Variants in SNTB1 observed in about 807,000 individuals in gnomAD.
The protein encoded by SNTB1 is beta-1-syntrophin.
Under a neutral mutation model 48.9 loss-of-function variants are expected in SNTB1, and 36 were observed. That is an observed-to-expected ratio of 0.74 (90% CI 0.56 to 0.97). SNTB1 has a LOEUF of 0.97. Among genes scored for constraint, SNTB1 ranks in the 50% least tolerant of loss-of-function variants. The pLI, the probability that SNTB1 is intolerant of heterozygous loss-of-function variation, is 0.00. For missense variants in SNTB1, 786 were observed against 703.4 expected (o/e 1.12, Z -1.33); for synonymous variants, 299 against 294.6 (o/e 1.01, Z -0.15).
At chr8:120,579,132 G>T (rs746125059) in intron 3 of SNTB1, among the ~76,000 whole-genome samples, 1 of 152,106 alleles carries the variant, frequency 6.6e-6, no homozygotes, top group Non-Finnish European at 1.5e-5. Context: ...AGCCAAGATC[G>T]CGCCATTGCA....
At chr8:120,809,655 G>A (rs1365436076) in intron 1 of SNTB1, among the ~76,000 whole-genome samples, 1 of 144,636 alleles carries the variant, frequency 6.9e-6, no homozygotes, top group Non-Finnish European at 1.5e-5. Context: ...ATTGCAAACC[G>A]AGCAGGTGCC....
intron 2 of SNTB1, among the ~76,000 whole-genome samples, chr8:120,636,489 G>A (rs555607462): frequency 0.014 from 1,808 of 131,388 alleles, 38 homozygotes; most frequent in African/African-American, 0.048. Context: ...GAGAATATGC[G>A]GTGTTTGGTT....
chr8:120,554,550 T>C (rs1383876388), intron 4 of SNTB1, among the ~76,000 whole-genome samples: 5 of 152,186 alleles, frequency 3.3e-5, no homozygotes, highest in Non-Finnish European at 5.9e-5. Context: ...AATTCTTTAA[T>C]GAAACCACCA....
At position 120,540,905 on chromosome 8, in the gene SNTB1, T is replaced by C. The variant is rs138287902; in HGVS notation, c.1524+905A>G. ...TCTGAGAGATAAAAAGTCCCTAGGG[T>C]CTGTTAGGTGTGTTCTGCCCTTTCC... On this transcript the variant is annotated intron_variant, in intron 6 of 6. Coordinates refer to ENST00000517992, the MANE Select transcript of SNTB1 (RefSeq NM_021021.4). Among the ~76,000 whole-genome samples the C allele has an allele frequency of 5.4e-3, 821 of 152,142 alleles. 9 individuals are homozygous for C. Among genetic ancestry groups the C allele is most frequent in the African/African-American group, 0.019 (779 of 41,476 alleles).
At chr8:120,587,207 C>T (rs370793791) in intron 3 of SNTB1, among the ~76,000 whole-genome samples, 3 of 140,590 alleles carry the variant, frequency 2.1e-5, no homozygotes, top group African/African-American at 5.1e-5. Flanking sequence ...GGCAACGGAG[C>T]GAGACTCTGT....
intron 2 of SNTB1, among the ~76,000 whole-genome samples, chr8:120,684,458 A>T (rs1817992998): frequency 6.6e-6 from 1 of 152,148 alleles, no homozygotes; most frequent in Non-Finnish European, 1.5e-5. Context: ...TCTAAATCAC[A>T]TGTAAGTGAG....
chr8:120,811,530 GACTCGGGCACCT>G lies in SNTB1; in HGVS notation c.302_313del (p.Gln101_Ser105delinsPro). 1.5e-5 allele frequency: 24 copies of G among 1,610,954 alleles called. No individual in the cohort carries two copies. The highest frequency in any genetic ancestry group is 2.0e-5 in the Non-Finnish European group (24 of 1,178,664). On this transcript the variant is annotated inframe_deletion, in exon 1 of 7. Coordinates refer to ENST00000517992, the MANE Select transcript of SNTB1 (RefSeq NM_021021.4). The stretch of plus-strand genomic sequence containing the variant: ...CACGCCACGCTTCTGGTTCGAGATG[GACTCGGGCACCT>G]GCTCGGGCAGGTCGGTGAAAGCGGT...
intron 2 of SNTB1, among the ~76,000 whole-genome samples, chr8:120,685,561 G>A (rs1156530947): frequency 2.0e-5 from 3 of 152,126 alleles, no homozygotes; most frequent in Non-Finnish European, 4.4e-5. Context: ...TGTTCCCAAG[G>A]CCCTGGCAGC....
intron 2 of SNTB1, among the ~76,000 whole-genome samples, chr8:120,683,176 C>G (rs1209606526): frequency 1.3e-5 from 2 of 151,986 alleles, no homozygotes; most frequent in African/African-American, 4.8e-5. Flanking sequence ...CCACCGCACC[C>G]GGCCTGTTTT....
intron 1 of SNTB1, among the ~76,000 whole-genome samples, chr8:120,749,955 C>A (rs891462803): frequency 3.9e-5 from 6 of 152,150 alleles, no homozygotes; most frequent in African/African-American, 1.4e-4. Context: ...GCTTTATAAA[C>A]CTCTAGCAAT....
intron 2 of SNTB1, among the ~76,000 whole-genome samples, chr8:120,663,815 CT>C (rs1817630596): frequency 6.6e-6 from 1 of 152,070 alleles, no homozygotes; most frequent in African/African-American, 2.4e-5. Flanking sequence ...GTCTCTGCAG[CT>C]ATAATGGGGG....
intron 1 of SNTB1, among the ~76,000 whole-genome samples, chr8:120,786,613 C>T (rs955735204): frequency 2.0e-5 from 3 of 152,164 alleles, no homozygotes; most frequent in Non-Finnish European, 4.4e-5. Context: ...CACAATCCCT[C>T]CCTACACAGA....
At chr8:120,730,770 A>C (rs1156443248) in intron 1 of SNTB1, among the ~76,000 whole-genome samples, 1 of 152,140 alleles carries the variant, frequency 6.6e-6, no homozygotes, top group Non-Finnish European at 1.5e-5. Flanking sequence ...TGAACCTTTT[A>C]AATAGTGTAT....
chr8:120,670,759 A>G (rs1488527360), intron 2 of SNTB1, among the ~76,000 whole-genome samples: 2 of 152,104 alleles, frequency 1.3e-5, no homozygotes, highest in Admixed American at 6.5e-5. Flanking sequence ...GTGGACATGG[A>G]CTCAGAAGCT....
chr8:120,734,175 G>A (rs1005179868), intron 1 of SNTB1, among the ~76,000 whole-genome samples: 1 of 152,212 alleles, frequency 6.6e-6, no homozygotes, highest in Non-Finnish European at 1.5e-5. Flanking sequence ...CAGGCGCGAT[G>A]GTTCATGCCT....
rs187151328 is a variant in SNTB1, at chr8:120,664,499, T to C, written c.788+29193A>G. ...CTCATTATAAGATTAGTTTGCATTT[T>C]CTAGAATTTTAATAAATAAAATCAT... is the stretch of plus-strand genomic sequence containing the variant. On this transcript the variant is annotated intron_variant, in intron 2 of 6. Coordinates refer to ENST00000517992, the MANE Select transcript of SNTB1 (RefSeq NM_021021.4). Among the ~76,000 whole-genome samples the C allele has an allele frequency of 3.3e-5, 5 of 152,350 alleles. No individual in the cohort carries two copies. In the East Asian group the frequency reaches 9.6e-4, roughly 29 times the overall value.
At position 120,811,255 on chromosome 8, in the gene SNTB1, G is replaced by A. The variant is rs1400844846; in HGVS notation, c.571+18C>T. 7 of 1,561,412 alleles carry A rather than the reference G, an allele frequency of 4.5e-6. No homozygotes were observed. The highest frequency in any genetic ancestry group is 6.0e-6 in the Non-Finnish European group (7 of 1,161,124). On this transcript the variant is annotated intron_variant, in intron 1 of 6. Coordinates refer to ENST00000517992, the MANE Select transcript of SNTB1 (RefSeq NM_021021.4). ...TGTGTGCGCGCCCGGCGCGGCCCGCGCGCTGTTAACCCCTTACCTTCCAGC... is the reference window on the plus strand; with the variant it reads ...TGTGTGCGCGCCCGGCGCGGCCCGCACGCTGTTAACCCCTTACCTTCCAGC...
At chr8:120,604,430 T>C (rs1394616109) in intron 3 of SNTB1, among the ~76,000 whole-genome samples, 1 of 151,312 alleles carries the variant, frequency 6.6e-6, no homozygotes, top group Admixed American at 6.6e-5. Flanking sequence ...AATTAGCCCA[T>C]GGCTTGGAAG....
At position 120,811,640 on chromosome 8, in the gene SNTB1, G is replaced by C. The variant is rs745657110; in HGVS notation, c.204C>G (p.Phe68Leu). 1.3e-6 allele frequency: 2 copies of C among 1,594,752 alleles called. No homozygotes were observed. The highest frequency in any genetic ancestry group is 2.3e-5 in the East Asian group (1 of 42,826). ...NGIGTATNGS[F>L]CRGAGAGHPG... Reference sequence around the variant, plus strand: ...GGTGCCCAGCCCCGGCGCCCCTGCAGAACGAGCCATTGGTGGCGGTCCCGA... The same window carrying C: ...GGTGCCCAGCCCCGGCGCCCCTGCACAACGAGCCATTGGTGGCGGTCCCGA... The change falls in exon 1 of 7, where the codon TTC becomes TTG. Residue 68 changes from phenylalanine (F) to leucine (L), a missense_variant. Coordinates refer to ENST00000517992, the MANE Select transcript of SNTB1 (RefSeq NM_021021.4).
Sources: gnomAD v4.1 joint callset for allele counts (sites outside exome capture counted in the v4.1 genomes callset) on GRCh38, gnomAD v4.1.1 for gene constraint, MANE v1.5 for transcripts, NCBI Gene and HGNC (gene_info 2026-07-23, HGNC 2026-07-21) for gene names.